The following HNRNPLL variants were observed in gnomAD, a reference collection of about 807,000 sequenced individuals.
HNRNPLL encodes the protein heterogeneous nuclear ribonucleoprotein L-like.
In HNRNPLL, 25 loss-of-function variants were observed where a neutral mutation model predicts 67.1. The observed-to-expected ratio is 0.37, with a 90% CI of 0.27 to 0.52. The LOEUF (loss-of-function observed/expected upper bound fraction) is 0.52, where lower values mean the gene tolerates loss of function less well. Ranked by LOEUF, HNRNPLL falls within the 20% of genes least tolerant of loss-of-function variation. The pLI is 0.90. For synonymous variants in HNRNPLL, 267 were observed against 241.7 expected (o/e 1.10, Z -0.97); for missense variants, 542 against 673.9 (o/e 0.80, Z 2.17).
chr2:38,600,819 C>G (rs779695703), intron 1 of HNRNPLL, among the ~76,000 whole-genome samples: 6 of 151,900 alleles, frequency 3.9e-5, no homozygotes, highest in Non-Finnish European at 7.4e-5. Flanking sequence ...AGTGCCATTT[C>G]CACCGCTCCA....
At chr2:38,575,216 T>A (rs181291121) in intron 7 of HNRNPLL, among the ~76,000 whole-genome samples, 104 of 151,852 alleles carry the variant, frequency 6.8e-4, no homozygotes, top group African/African-American at 2.2e-3. Flanking sequence ...ACTTAAAGTA[T>A]TACCTATATT....
At chr2:38,566,973 T>C (rs1393385357) in intron 12 of HNRNPLL, among the ~76,000 whole-genome samples, 1 of 152,166 alleles carries the variant, frequency 6.6e-6, no homozygotes, top group East Asian at 1.9e-4. Flanking sequence ...CTGTGATACA[T>C]CTTGACTATA....
At chr2:38,589,087 G>A (rs1167703839) in intron 2 of HNRNPLL, among the ~76,000 whole-genome samples, 1 of 152,124 alleles carries the variant, frequency 6.6e-6, no homozygotes, top group Non-Finnish European at 1.5e-5. Flanking sequence ...TAATGGGAGA[G>A]AAGGGGAAAA....
intron 1 of HNRNPLL, among the ~76,000 whole-genome samples, chr2:38,594,030 C>T (rs1007959265): frequency 1.3e-5 from 2 of 151,746 alleles, no homozygotes; most frequent in Non-Finnish European, 2.9e-5. Flanking sequence ...AAAAAATTAG[C>T]CGGGCATGGT....
chr2:38,566,406 T>C (rs1238285068), intron 12 of HNRNPLL, among the ~76,000 whole-genome samples: 1 of 147,464 alleles, frequency 6.8e-6, no homozygotes, highest in Non-Finnish European at 1.5e-5. Context: ...AAAAAGGCCA[T>C]TGTTACTATT....
At chr2:38,579,034 G>C (rs1666415939) in intron 6 of HNRNPLL, among the ~76,000 whole-genome samples, 1 of 152,026 alleles carries the variant, frequency 6.6e-6, no homozygotes, top group Non-Finnish European at 1.5e-5. Flanking sequence ...CTCTGCTTAA[G>C]CATACGCCAT....
chr2:38,587,206 C>T (rs1666767976), intron 2 of HNRNPLL, among the ~76,000 whole-genome samples: 1 of 152,162 alleles, frequency 6.6e-6, no homozygotes, highest in South Asian at 2.1e-4. Flanking sequence ...AGAAACAGAT[C>T]ACCTTACAGC....
intron 7 of HNRNPLL, 61 bp from the exon 8 acceptor site, chr2:38,573,488 CT>C: frequency 9.1e-7 from 1 of 1,102,674 alleles, no homozygotes; most frequent in Non-Finnish European, 1.3e-6. Context: ...TTTGTAAATA[CT>C]TTAGTAGATA....
At chr2:38,575,516 G>A (rs189377322) in intron 7 of HNRNPLL, among the ~76,000 whole-genome samples, 87 of 151,900 alleles carry the variant, frequency 5.7e-4, no homozygotes, top group African/African-American at 2.1e-3. Context: ...AACTATGAAA[G>A]CTTCTACCAG....
chr2:38,573,086 T>G (rs1480962263), intron 8 of HNRNPLL, 124 bp downstream of exon 8: 2 of 665,946 alleles, frequency 3.0e-6, no homozygotes, highest in African/African-American at 3.7e-5. Flanking sequence ...ATTTTTAGCT[T>G]ATGTGGGTCA....
Position 38,569,228 on chromosome 2 carries a change from C to A in HNRNPLL, c.1321G>T (p.Ala441Ser). 1.2e-6 allele frequency: 2 copies of A among 1,613,020 alleles called. No homozygotes were observed. Among genetic ancestry groups the A allele is most frequent in the Non-Finnish European group, 1.7e-6 (2 of 1,179,086 alleles). The change falls in exon 10 of 13, where the codon GCT (alanine) becomes TCT (serine). Residue 441 changes from alanine to serine, a missense_variant. Around this residue, in one of 2 missense-constraint regions of HNRNPLL, gnomAD observed 415 missense variants for 575.2 expected, o/e 0.72. Coordinates refer to ENST00000449105, the MANE Select transcript of HNRNPLL (RefSeq NM_138394.4). ...AMSKNNRFTS[A>S]GQASKNIIQP... ...ATTATATTCTTAGATGCTTGGCCAG[C>A]ACTTGTAAAGCGATTATTTTTGCTC... is the stretch of plus-strand genomic sequence containing the variant.
intron 1 of HNRNPLL, 33 bp from the exon 2 acceptor site, chr2:38,591,681 A>AT: frequency 6.8e-7 from 1 of 1,480,864 alleles, no homozygotes; most frequent in Non-Finnish European, 9.4e-7. Flanking sequence ...AGTTAAAAAA[A>AT]TTTTAAGTCT....
In HNRNPLL at chr2:38,585,823, T is replaced by A; in HGVS notation, c.367A>T (p.Ser123Cys). The change falls in exon 3 of 13, where the codon AGT (serine) becomes TGT (cysteine). Residue 123 changes from serine to cysteine, a missense_variant. Ser to Cys is a moderately radical substitution (Grantham distance 112). Around this residue, in one of 2 missense-constraint regions of HNRNPLL, gnomAD observed 415 missense variants for 575.2 expected, o/e 0.72. Coordinates refer to ENST00000449105, the MANE Select transcript of HNRNPLL (RefSeq NM_138394.4). ...GCAAATGTCACACATTCTTTGGCAC[T>A]ATCTATGTTTTCAAATTCCACTAGA... ...QALVEFENID[S>C]AKECVTFAAD... The A allele has an allele frequency of 1.2e-6, 2 of 1,614,032 alleles. No individual in the cohort carries two copies. The highest frequency in any genetic ancestry group is 1.7e-6 in the Non-Finnish European group (2 of 1,179,898).
chr2:38,564,402 C>A (rs927896103), intron 12 of HNRNPLL, among the ~76,000 whole-genome samples, 165 bp from the exon 13 acceptor site: 4 of 151,622 alleles, frequency 2.6e-5, no homozygotes, highest in Non-Finnish European at 5.9e-5. Flanking sequence ...GGTGGCTCAC[C>A]TGAAGTCAGG....
chr2:38,581,034 A>G (rs1035712105), intron 6 of HNRNPLL: 3 of 152,258 alleles, frequency 2.0e-5, no homozygotes, highest in African/African-American at 7.2e-5. Flanking sequence ...CAATTGAGAA[A>G]AAAACAAAAA....
chr2:38,599,131 T>C (rs1339519243), intron 1 of HNRNPLL, among the ~76,000 whole-genome samples: 1 of 152,226 alleles, frequency 6.6e-6, no homozygotes, highest in Non-Finnish European at 1.5e-5. Flanking sequence ...CAAACTGGAT[T>C]TTCAATGTGC....
chr2:38,569,406 T>C, intron 9 of HNRNPLL, 72 bp from the exon 10 acceptor site: 1 of 1,076,640 alleles, frequency 9.3e-7, no homozygotes, highest in Non-Finnish European at 1.4e-6. Flanking sequence ...CTCAGAATGC[T>C]AATATATTTT....
At chr2:38,572,717 A>G (rs2148344301) in intron 8 of HNRNPLL, among the ~76,000 whole-genome samples, 1 of 152,188 alleles carries the variant, frequency 6.6e-6, no homozygotes, top group Non-Finnish European at 1.5e-5. Context: ...GTCAGTTTCA[A>G]ATACTGGTTG....
At chr2:38,586,605 T>C (rs77302828) in intron 2 of HNRNPLL, among the ~76,000 whole-genome samples, 5,591 of 152,210 alleles carry the variant, frequency 0.037, 137 homozygotes, top group South Asian at 0.08. Context: ...TAAACATCCA[T>C]ACTAACAGCT....
Sources: allele counts gnomAD v4.1 joint callset (sites outside exome capture counted in the v4.1 genomes callset), GRCh38; gene constraint gnomAD v4.1.1; regional missense constraint gnomAD v4.1.1; transcripts MANE v1.5; gene names NCBI Gene and HGNC (gene_info 2026-07-23, HGNC 2026-07-21).